Variants in BBS9 observed in about 807,000 individuals in gnomAD.
BBS9 encodes the protein protein PTHB1.
A neutral mutation model predicts 117.7 loss-of-function variants in BBS9; 89 were observed. The ratio of observed to expected loss-of-function variants is 0.76; its 90% CI spans 0.64 to 0.90. The LOEUF (loss-of-function observed/expected upper bound fraction) is 0.90. Among genes scored for constraint, BBS9 ranks in the 40% least tolerant of loss-of-function variants. The pLI is 0.00. For synonymous variants in BBS9, 379 were observed against 370.9 expected (o/e 1.02, Z -0.25); for missense variants, 982 against 1,042.2 (o/e 0.94, Z 0.80).
chr7:33,233,291 A>G (rs1163847606), intron 5 of BBS9, among the ~76,000 whole-genome samples: 2 of 152,012 alleles, frequency 1.3e-5, no homozygotes, highest in Non-Finnish European at 2.9e-5. Context: ...CTTAGAATGT[A>G]CCATTGCAAT....
intron 9 of BBS9, among the ~76,000 whole-genome samples, chr7:33,326,870 C>G (rs1430322847): frequency 1.3e-5 from 2 of 151,618 alleles, no homozygotes; most frequent in African/African-American, 4.8e-5. Flanking sequence ...AGACAAAGTA[C>G]TCTTTACTCT....
chr7:33,273,279 T>G (rs1334673206), intron 8 of BBS9, 84 bp downstream of exon 8: 52 of 1,341,060 alleles, frequency 3.9e-5, no homozygotes, highest in Non-Finnish European at 5.4e-5. Context: ...CATACACATA[T>G]TGTAAACATA....
At chr7:33,621,574 T>C (rs78283010) in intron 21 of BBS9, among the ~76,000 whole-genome samples, 2,373 of 152,238 alleles carry the variant, frequency 0.016, 72 homozygotes, top group African/African-American at 0.054. Flanking sequence ...CCTTGCACAT[T>C]GTTGGAAATG....
chr7:33,474,764 G>A (rs944126099), intron 19 of BBS9, among the ~76,000 whole-genome samples: 2 of 152,250 alleles, frequency 1.3e-5, no homozygotes, highest in Admixed American at 1.3e-4. Context: ...TGGTCAAGAT[G>A]GTGAAATCCC....
At chr7:33,134,702 A>G (rs1033810367) in intron 1 of BBS9, among the ~76,000 whole-genome samples, 24 of 151,632 alleles carry the variant, frequency 1.6e-4, no homozygotes, top group Admixed American at 1.1e-3. Context: ...TCAATCCTCA[A>G]ACTCCTGCCT....
chr7:33,512,343 T>C (rs553145010), intron 20 of BBS9, among the ~76,000 whole-genome samples: 1 of 152,326 alleles, frequency 6.6e-6, no homozygotes, highest in African/African-American at 2.4e-5. Flanking sequence ...TAAAAAACTT[T>C]CTTTACATCA....
chr7:33,316,043 A>G (rs1810432842), intron 9 of BBS9, among the ~76,000 whole-genome samples: 1 of 152,100 alleles, frequency 6.6e-6, no homozygotes, highest in African/African-American at 2.4e-5. Flanking sequence ...TGTCTCATCC[A>G]CACGTCTCTC....
intron 19 of BBS9, among the ~76,000 whole-genome samples, chr7:33,492,757 A>G (rs1385754537): frequency 2.7e-5 from 4 of 149,470 alleles, no homozygotes; most frequent in Admixed American, 6.8e-5. Context: ...TATTTCTCAT[A>G]CTCACTTAAC....
intron 5 of BBS9, among the ~76,000 whole-genome samples, chr7:33,193,667 T>C (rs1399236487): frequency 3.3e-5 from 5 of 152,242 alleles, no homozygotes; most frequent in Non-Finnish European, 5.9e-5. Flanking sequence ...CTAGGGGCAG[T>C]GGAGAAGACA....
chr7:33,311,892 C>G (rs973714997), intron 9 of BBS9, among the ~76,000 whole-genome samples: 1 of 151,794 alleles, frequency 6.6e-6, no homozygotes, highest in Admixed American at 6.6e-5. Flanking sequence ...GACTGACATT[C>G]CTCTGTGCAA....
At chr7:33,527,454 G>A (rs1187771696) in intron 20 of BBS9, among the ~76,000 whole-genome samples, 3 of 152,146 alleles carry the variant, frequency 2.0e-5, no homozygotes, top group African/African-American at 2.4e-5. Flanking sequence ...CTCGTGGTGC[G>A]CCGTTTTTTA....
intron 20 of BBS9, among the ~76,000 whole-genome samples, chr7:33,513,906 G>A (rs1847341615): frequency 6.6e-6 from 1 of 152,088 alleles, no homozygotes; most frequent in Admixed American, 6.6e-5. Flanking sequence ...TTTGTGATAT[G>A]GTCTTTCCTG....
intron 5 of BBS9, among the ~76,000 whole-genome samples, chr7:33,229,877 C>T (rs533475596): frequency 1.1e-4 from 17 of 152,142 alleles, no homozygotes; most frequent in Admixed American, 2.6e-4. Context: ...TTTCCACCAA[C>T]GGTATACAAG....
At chr7:33,318,109 A>T (rs1234352675) in intron 9 of BBS9, among the ~76,000 whole-genome samples, 2 of 152,174 alleles carry the variant, frequency 1.3e-5, no homozygotes, top group African/African-American at 2.4e-5. Context: ...ACAAAACAAG[A>T]TAACAAAAGC....
chr7:33,292,054 A>G (rs1033026647), intron 9 of BBS9, among the ~76,000 whole-genome samples: 18 of 152,078 alleles, frequency 1.2e-4, no homozygotes, highest in Non-Finnish European at 2.9e-5. Context: ...GTTGATTTTC[A>G]GTGAATGTTG....
chr7:33,472,103 A>G lies in BBS9; in HGVS notation c.2116-33360A>G, dbSNP rs570133727. On this transcript the variant is annotated intron_variant, in intron 19 of 22. Coordinates refer to ENST00000242067, the MANE Select transcript of BBS9 (RefSeq NM_198428.3). ...TCATCTAATCTTTCTGTAGGCTCTG[A>G]CTGAGAACTAGCGAAGTAAGCCAGA... is the stretch of plus-strand genomic sequence containing the variant. 5.3e-5 allele frequency among the ~76,000 whole-genome samples: 8 copies of G among 152,344 alleles called. No homozygotes were observed. The East Asian group carries it at 1.5e-3, about 29-fold the overall frequency.
chr7:33,482,741 G>A (rs1017484378), intron 19 of BBS9, among the ~76,000 whole-genome samples: 2 of 152,166 alleles, frequency 1.3e-5, no homozygotes, highest in African/African-American at 2.4e-5. Context: ...TCTATAGACT[G>A]GCAGAAATGG....
intron 21 of BBS9, among the ~76,000 whole-genome samples, chr7:33,572,456 A>C (rs2598401): frequency 0.36 from 54,425 of 151,990 alleles, 14,149 homozygotes; most frequent in African/African-American, 0.73. Flanking sequence ...GGATATATAT[A>C]CAGCAGTGGG....
intron 17 of BBS9, among the ~76,000 whole-genome samples, chr7:33,375,595 C>CTTTTTTTT (rs11344728): frequency 4.7e-5 from 6 of 127,464 alleles, no homozygotes; most frequent in Non-Finnish European, 5.1e-5. Context: ...TTCTTTCTTT[C>CTTTTTTTT]TTTTTTTTTT....
Sources: gnomAD v4.1 joint callset for allele counts (sites outside exome capture counted in the v4.1 genomes callset) on GRCh38, gnomAD v4.1.1 for gene constraint, MANE v1.5 for transcripts, NCBI Gene and HGNC (gene_info 2026-07-23, HGNC 2026-07-21) for gene names.